ZNF385D: variants seen among roughly 807,000 people sequenced by gnomAD.
The protein encoded by ZNF385D is zinc finger protein 385D, also known as zinc finger protein 659.
In ZNF385D, 15 loss-of-function variants were observed where a neutral mutation model predicts 35.8. The ratio of observed to expected loss-of-function variants is 0.42; its 90% confidence interval spans 0.28 to 0.64. The LOEUF is 0.64. Ranked by LOEUF, ZNF385D falls within the 30% of genes least tolerant of loss-of-function variation. The pLI, the probability that ZNF385D is intolerant of heterozygous loss-of-function variation, is 0.23. For synonymous variants in ZNF385D, 212 were observed against 186.8 expected, an observed-to-expected ratio of 1.13 and a Z score of -1.10; for missense variants, 474 against 494.6, an observed-to-expected ratio of 0.96 and a Z score of 0.39.
intron 2 of ZNF385D, among the ~76,000 whole-genome samples, chr3:22,368,694 G>C (rs1271155723): frequency 2.0e-5 from 3 of 152,170 alleles, no homozygotes; most frequent in Non-Finnish European, 4.4e-5. Flanking sequence ...TCTTATAAGA[G>C]CACTAATCCC....
chr3:21,760,187 C>CGGAT (rs2070538780), intron 3 of ZNF385D, among the ~76,000 whole-genome samples: 2 of 152,084 alleles, frequency 1.3e-5, no homozygotes, highest in Non-Finnish European at 2.9e-5. Context: ...ATAAAATGAC[C>CGGAT]GGATGCCATT....
At chr3:21,427,060 C>CA (rs1271444823) in intron 5 of ZNF385D, among the ~76,000 whole-genome samples, 1 of 152,134 alleles carries the variant, frequency 6.6e-6, no homozygotes, top group Non-Finnish European at 1.5e-5. Context: ...AGAACTGCTC[C>CA]AGTGTAATGA....
At chr3:21,673,904 C>T (rs752037385) in intron 1 of ZNF385D, among the ~76,000 whole-genome samples, 2 of 152,090 alleles carry the variant, frequency 1.3e-5, no homozygotes, top group Non-Finnish European at 2.9e-5. Context: ...AGTGTTTAAA[C>T]TAAGCTAATG....
intron 3 of ZNF385D, among the ~76,000 whole-genome samples, chr3:22,141,386 G>A (rs953966860): frequency 3.9e-5 from 6 of 152,094 alleles, no homozygotes; most frequent in East Asian, 3.9e-4. Flanking sequence ...CATTTGAAAT[G>A]TACACTTTGA....
At position 21,790,406 on chromosome 3, in the gene ZNF385D, C is replaced by A. The variant is rs112646804; in HGVS notation, c.326-125378G>T. ...ATTTTACTTATGTAGAACTAACACA[C>A]AGAGTTATCTGTTGGTGATAAGATT... On this transcript the variant is annotated intron_variant, in intron 3 of 5. Coordinates refer to the ZNF385D transcript ENST00000494108. 5.1e-3 allele frequency among the ~76,000 whole-genome samples: 780 copies of A among 152,136 alleles called. 6 individuals carry two copies. Among genetic ancestry groups the A allele is most frequent in the African/African-American group, 0.017 (700 of 41,510 alleles).
At chr3:22,079,234 TAAAAG>T (rs1000999615) in intron 3 of ZNF385D, among the ~76,000 whole-genome samples, 3 of 152,014 alleles carry the variant, frequency 2.0e-5, no homozygotes, top group East Asian at 3.8e-4. Context: ...AATTAGCTGA[TAAAAG>T]AAATATAATT....
intron 2 of ZNF385D, among the ~76,000 whole-genome samples, chr3:22,313,337 C>A (rs1192333509): frequency 6.6e-6 from 1 of 151,784 alleles, no homozygotes; most frequent in East Asian, 1.9e-4. Flanking sequence ...CAACATGGCA[C>A]ATGTATACAT....
chr3:22,354,384 G>A (rs900461209), intron 2 of ZNF385D, among the ~76,000 whole-genome samples: 2 of 151,824 alleles, frequency 1.3e-5, no homozygotes. Flanking sequence ...GGCTGCTGTT[G>A]CTGCTATTAT....
intron 3 of ZNF385D, among the ~76,000 whole-genome samples, chr3:21,926,275 C>G (rs1700722507): frequency 6.6e-6 from 1 of 151,668 alleles, no homozygotes; most frequent in African/African-American, 2.4e-5. Flanking sequence ...CTAATGCTAT[C>G]CCTCCCCTAG....
intron 3 of ZNF385D, among the ~76,000 whole-genome samples, chr3:22,124,045 C>G (rs1434420640): frequency 1.3e-5 from 2 of 148,746 alleles, no homozygotes; most frequent in Non-Finnish European, 3.0e-5. Flanking sequence ...TTCATTCTAT[C>G]TAACTATTTT....
chr3:21,700,928 A>AT (rs2067659102), intron 1 of ZNF385D, among the ~76,000 whole-genome samples: 1 of 151,996 alleles, frequency 6.6e-6, no homozygotes, highest in African/African-American at 2.4e-5. Context: ...TGTTGTGAAT[A>AT]TTTTTTCTCC....
chr3:21,795,346 C>T (rs1042920205), intron 3 of ZNF385D, among the ~76,000 whole-genome samples: 45 of 152,212 alleles, frequency 3.0e-4, no homozygotes, highest in Non-Finnish European at 5.9e-5. Flanking sequence ...AGGCTATGGA[C>T]TCACCCCAGT....
intron 2 of ZNF385D, among the ~76,000 whole-genome samples, chr3:21,602,695 GCT>G (rs2064348647): frequency 6.8e-6 from 1 of 147,142 alleles, no homozygotes; most frequent in South Asian, 2.1e-4. Flanking sequence ...ACCGCGCCCG[GCT>G]AATTTTTTTG....
intron 3 of ZNF385D, among the ~76,000 whole-genome samples, chr3:22,165,805 C>T (rs1342338444): frequency 6.6e-6 from 1 of 152,126 alleles, no homozygotes; most frequent in African/African-American, 2.4e-5. Flanking sequence ...TCAACACAAC[C>T]CAATCCCACA....
intron 2 of ZNF385D, among the ~76,000 whole-genome samples, chr3:22,311,782 G>A (rs562938466): frequency 1.3e-5 from 2 of 152,036 alleles, no homozygotes; most frequent in South Asian, 2.1e-4. Context: ...CTTCAAAAAC[G>A]CAGATGAAGC....
chr3:21,653,227 C>A (rs186383459), intron 2 of ZNF385D, among the ~76,000 whole-genome samples: 44 of 152,186 alleles, frequency 2.9e-4, no homozygotes, highest in East Asian at 1.3e-3. Flanking sequence ...AAAAATAATT[C>A]TTTCATTCCA....
intron 3 of ZNF385D, among the ~76,000 whole-genome samples, chr3:21,830,298 GTTTC>G (rs1694906188): frequency 6.6e-6 from 1 of 152,154 alleles, no homozygotes; most frequent in Non-Finnish European, 1.5e-5. Context: ...TGTTTAAGCA[GTTTC>G]TTTGACTGAT....
At chr3:22,307,132 T>C in intron 2 of ZNF385D, among the ~76,000 whole-genome samples, 1 of 151,892 alleles carries the variant, frequency 6.6e-6, no homozygotes, top group East Asian at 1.9e-4. Flanking sequence ...CTAAAAGGAG[T>C]TGAATCCTAA....
rs1455491717 is a variant in ZNF385D at position 21,619,556 on chromosome 3, T to C, written c.165+45330A>G. 5.3e-5 allele frequency among the ~76,000 whole-genome samples: 8 copies of C among 152,152 alleles called. No individual in the cohort carries two copies. In the South Asian group the frequency reaches 6.2e-4, roughly 12 times the overall value. On this transcript the variant is annotated intron_variant, in intron 2 of 7. Coordinates refer to ENST00000281523, the MANE Select transcript of ZNF385D (RefSeq NM_024697.3). ...CAAAACAACACTGATAAAACACAAA[T>C]CCGATGTTCACATTATTCTCCTGTT...
Sources: allele counts gnomAD v4.1 joint callset (sites outside exome capture counted in the v4.1 genomes callset), GRCh38; gene constraint gnomAD v4.1.1; transcripts MANE v1.5; gene names NCBI Gene and HGNC (gene_info 2026-07-23, HGNC 2026-07-21).